The following RAPGEF1 variants were observed in gnomAD, a reference collection of about 807,000 sequenced individuals.
The protein encoded by RAPGEF1 is CRK SH3-binding GNRP.
Under a neutral mutation model 143.3 loss-of-function variants are expected in RAPGEF1, and 33 were observed. The observed-to-expected ratio is 0.23, with a 90% CI of 0.17 to 0.31. The LOEUF is 0.31. RAPGEF1 is among the 10% of genes least tolerant of loss of function. The probability of loss-of-function intolerance (pLI) is 1.00; values close to 1 mark genes in which losing one functional copy is unlikely to be tolerated. For synonymous variants in RAPGEF1, 629 were observed against 676.5 expected (o/e 0.93, Z 1.09); for missense variants, 1,199 against 1,645.4 (o/e 0.73, Z 4.69).
At chr9:131,657,603 C>CT (rs1972832167) in intron 1 of RAPGEF1, among the ~76,000 whole-genome samples, 1 of 127,348 alleles carries the variant, frequency 7.9e-6, no homozygotes, top group Admixed American at 7.8e-5. Context: ...CCTGAACTGT[C>CT]TAACACGACA....
rs1964723328 is a variant in RAPGEF1, at chr9:131,631,119, C to T, written c.652-795G>A. ...TTATCATAGATTACTTTTGCCTGTC[C>T]TAGAACTTGATATAAATGGAACCAT... On this transcript the variant is annotated intron_variant, in intron 5 of 26. Transcript: ENST00000683357. Among the ~76,000 whole-genome samples, 3 of 152,128 alleles carry T rather than the reference C, an allele frequency of 2.0e-5. No homozygotes were observed. The South Asian group carries it at 6.2e-4, about 32-fold the overall frequency.
In RAPGEF1 at chr9:131,584,434, C is replaced by T. The variant is rs1393869221; in HGVS notation, c.3313-22G>A. 8 of 1,613,310 alleles carry T rather than the reference C, an allele frequency of 5.0e-6. No individual in the cohort carries two copies. The highest frequency in any genetic ancestry group is 2.2e-5 in the South Asian group (2 of 91,060). ...AGTGCTGCCGAGAGAGGGGCGGTGC[C>T]GTGAGGCAGGAGGGCAGGCGGGTCC... is the stretch of plus-strand genomic sequence containing the variant. On this transcript the variant is annotated intron_variant, in intron 23 of 26. Transcript: ENST00000683357. The surrounding 1 kb of genome is among the most constrained non-coding windows in gnomAD (Gnocchi z 6.8).
At chr9:131,588,140 C>A (rs1249227467) in intron 20 of RAPGEF1, 114 bp from the exon 21 acceptor site, 2 of 911,872 alleles carry the variant, frequency 2.2e-6, no homozygotes, top group Non-Finnish European at 3.4e-6. Context: ...CCAGCAGGAG[C>A]GTGGAGGCTA....
intron 9 of RAPGEF1, 100 bp downstream of exon 9, chr9:131,627,813 G>A (rs1963691040): frequency 1.6e-5 from 20 of 1,264,110 alleles, no homozygotes; most frequent in Admixed American, 2.4e-5. Flanking sequence ...CCAAAGCCAC[G>A]TAGTCAATGA....
chr9:131,642,843 C>A (rs867369310), intron 4 of RAPGEF1, among the ~76,000 whole-genome samples: 3 of 152,118 alleles, frequency 2.0e-5, no homozygotes, highest in Non-Finnish European at 4.4e-5. Context: ...GGGCCTCTGG[C>A]GATGAGTGGA....
intron 12 of RAPGEF1, among the ~76,000 whole-genome samples, chr9:131,615,150 G>A (rs1010582107): frequency 2.0e-4 from 30 of 152,220 alleles, no homozygotes; most frequent in Non-Finnish European, 3.1e-4. Flanking sequence ...TCCACTCACC[G>A]CAAGCTCCGC....
intron 15 of RAPGEF1, among the ~76,000 whole-genome samples, chr9:131,599,357 G>A (rs1473315761): frequency 1.3e-5 from 2 of 151,272 alleles, no homozygotes; most frequent in East Asian, 3.9e-4. Flanking sequence ...CCTGACTCAT[G>A]TGATTCTCCT....
At position 131,650,674 on chromosome 9, in the gene RAPGEF1, G is replaced by T; in HGVS notation, c.201+136C>A. ...GTTCTTATTTTACAAGGACACCAAA[G>T]GTCCCGCCCATGGAATGCTACGAAG... is the stretch of plus-strand genomic sequence containing the variant. On this transcript the variant is annotated intron_variant, in intron 2 of 26. Coordinates refer to ENST00000683357, the MANE Select transcript of RAPGEF1 (RefSeq NM_001377935.1). The surrounding 1 kb of genome is among the most constrained non-coding windows in gnomAD (Gnocchi z 4.7). 1 of 1,315,990 alleles carries T rather than the reference G, an allele frequency of 7.6e-7. No individual in the cohort carries two copies. The highest frequency in any genetic ancestry group is 1.0e-6 in the Non-Finnish European group (1 of 954,644). 81.5% of individuals were successfully genotyped at this position (1,315,990 alleles called of 1,614,324 possible).
intron 1 of RAPGEF1, among the ~76,000 whole-genome samples, chr9:131,727,043 C>G (rs994037887): frequency 5.3e-5 from 8 of 152,016 alleles, no homozygotes; most frequent in Non-Finnish European, 1.0e-4. Context: ...CCCAAAACAT[C>G]AATTTTACTA....
At position 131,611,548 on chromosome 9, in the gene RAPGEF1, A is replaced by G. The variant is rs1958020869; in HGVS notation, c.2062-6360T>C. ...TTAACTCTTGCAAAACCTCCAATACATTCTAGGATGCTCTGTAATTCACTA... is the reference window on the plus strand; with the variant it reads ...TTAACTCTTGCAAAACCTCCAATACGTTCTAGGATGCTCTGTAATTCACTA... On this transcript the variant is annotated intron_variant, in intron 12 of 26. Transcript: ENST00000683357. Among the ~76,000 whole-genome samples, 4 of 152,366 alleles carry G rather than the reference A, an allele frequency of 2.6e-5. No homozygotes were observed. The South Asian group carries it at 8.3e-4, about 32-fold the overall frequency.
intron 6 of RAPGEF1, among the ~76,000 whole-genome samples, chr9:131,629,935 C>G (rs1964386257): frequency 6.6e-6 from 1 of 152,114 alleles, no homozygotes; most frequent in South Asian, 2.1e-4. Context: ...GCACCCAAAC[C>G]CAAGCCTTTA....
At chr9:131,626,633 T>C (rs1963175092) in intron 9 of RAPGEF1, among the ~76,000 whole-genome samples, 1 of 152,232 alleles carries the variant, frequency 6.6e-6, no homozygotes, top group East Asian at 1.9e-4. Context: ...TGCTATACTT[T>C]TATTTTTTAC....
intron 1 of RAPGEF1, among the ~76,000 whole-genome samples, chr9:131,669,005 C>T (rs1451122087): frequency 2.6e-5 from 4 of 152,174 alleles, no homozygotes; most frequent in South Asian, 2.1e-4. Context: ...AGTGCTCTGC[C>T]GGGGCCGCAG....
intron 15 of RAPGEF1, among the ~76,000 whole-genome samples, chr9:131,600,026 G>T (rs929646034): frequency 2.6e-5 from 4 of 152,102 alleles, no homozygotes; most frequent in Non-Finnish European, 5.9e-5. Flanking sequence ...TGGGGCAGGA[G>T]AATCACTTGA....
intron 1 of RAPGEF1, among the ~76,000 whole-genome samples, chr9:131,736,154 C>A (rs1837400253): frequency 6.6e-6 from 1 of 152,176 alleles, no homozygotes; most frequent in Non-Finnish European, 1.5e-5. Flanking sequence ...TCTTCCAGAA[C>A]AAATCCCTCT....
intron 12 of RAPGEF1, 151 bp downstream of exon 12, chr9:131,618,900 C>T (rs1959761453): frequency 1.6e-6 from 1 of 620,016 alleles, no homozygotes; most frequent in South Asian, 1.8e-5. Flanking sequence ...CCCCAGAGAA[C>T]CAACCATTCA....
chr9:131,713,039 G>T (rs930992423), intron 1 of RAPGEF1, among the ~76,000 whole-genome samples: 1 of 152,060 alleles, frequency 6.6e-6, no homozygotes, highest in Non-Finnish European at 1.5e-5. Flanking sequence ...ATGGGCAAGC[G>T]ACCCATCTCC....
intron 17 of RAPGEF1, among the ~76,000 whole-genome samples, chr9:131,592,696 C>T (rs1054524636): frequency 4.6e-5 from 7 of 152,106 alleles, no homozygotes; most frequent in African/African-American, 9.7e-5. Flanking sequence ...TGTTCAAACC[C>T]GTCAGCAGGA....
rs11305443 is a variant in RAPGEF1, at chr9:131,601,171, C to CAA, written c.2501+888_2501+889dup. 5.9e-3 allele frequency among the ~76,000 whole-genome samples: 466 copies of CAA among 79,074 alleles called. 3 individuals carry two copies. The highest frequency in any genetic ancestry group is 8.1e-3 in the Middle Eastern group (1 of 124). The allele number at this position is 79,074 out of a possible 152,430, so 51.9% of individuals were successfully genotyped here. A position where few individuals can be genotyped will look rare whatever the true frequency, so the allele number is the denominator to read the frequency against. On this transcript the variant is annotated intron_variant, in intron 15 of 26. Coordinates refer to ENST00000683357, the MANE Select transcript of RAPGEF1 (RefSeq NM_001377935.1). ...TGGGCGACAGAGTGAGACTCCGTCTCAAAAAAAAAAAAAAAAAAAAAAAAG... is the reference window on the plus strand; with the variant it reads ...TGGGCGACAGAGTGAGACTCCGTCTCAAAAAAAAAAAAAAAAAAAAAAAAAAG...
Sources: gnomAD v4.1 joint callset for allele counts (sites outside exome capture counted in the v4.1 genomes callset) on GRCh38, gnomAD v4.1.1 for gene constraint, Gnocchi (gnomAD v3.1) non-coding constraint, MANE v1.5 for transcripts, NCBI Gene and HGNC (gene_info 2026-07-23, HGNC 2026-07-21) for gene names.